TENM3: variants seen among roughly 807,000 people sequenced by gnomAD.
The protein encoded by TENM3 is teneurin transmembrane protein 3, also known as teneurin-3.
Under a neutral mutation model 255.1 loss-of-function variants are expected in TENM3, and 63 were observed. The observed-to-expected ratio is 0.25, with a 90% CI of 0.20 to 0.30. TENM3 has a LOEUF of 0.30. Ranked by LOEUF, TENM3 falls within the 10% of genes least tolerant of loss-of-function variation. The pLI is 1.00. For missense variants in TENM3, 2,929 were observed against 3,461.1 expected (o/e 0.85, Z 3.86); for synonymous variants, 1,306 against 1,322.3 (o/e 0.99, Z 0.27).
chr4:182,088,243 T>C, the TENM3 span, among the ~76,000 whole-genome samples: 1 of 152,218 alleles, frequency 6.6e-6, no homozygotes, highest in Non-Finnish European at 1.5e-5. Context: ...AGTACGAAAA[T>C]AAGCATAGGG....
chr4:182,510,589 T>A (rs2151714725), intron 3 of TENM3, among the ~76,000 whole-genome samples: 1 of 152,316 alleles, frequency 6.6e-6, no homozygotes, highest in Admixed American at 6.5e-5. Context: ...TTATGGATAA[T>A]GTGAATCTTA....
intron 3 of TENM3, among the ~76,000 whole-genome samples, chr4:182,381,053 A>G: frequency 6.6e-6 from 1 of 152,144 alleles, no homozygotes; most frequent in East Asian, 1.9e-4. Flanking sequence ...CTAGTGCTTG[A>G]GTCTCTCCGT....
At chr4:181,938,470 A>C in the TENM3 span, among the ~76,000 whole-genome samples, 1 of 152,240 alleles carries the variant, frequency 6.6e-6, no homozygotes, top group African/African-American at 2.4e-5. Context: ...TATGATATTT[A>C]CAAAACACTC....
the TENM3 span, among the ~76,000 whole-genome samples, chr4:181,511,956 C>T: frequency 6.6e-5 from 10 of 152,072 alleles, no homozygotes; most frequent in Admixed American, 5.9e-4. Flanking sequence ...TGTTAGGGTG[C>T]CCAGCATCAC....
At chr4:181,621,462 C>T in the TENM3 span, among the ~76,000 whole-genome samples, 7 of 152,126 alleles carry the variant, frequency 4.6e-5, no homozygotes, top group Non-Finnish European at 1.0e-4. Context: ...TGCTATAATA[C>T]AGAGAACAAT....
the TENM3 span, among the ~76,000 whole-genome samples, chr4:181,877,955 C>A: frequency 1.3e-5 from 2 of 152,090 alleles, no homozygotes; most frequent in Non-Finnish European, 2.9e-5. Flanking sequence ...AGGCGTATGG[C>A]GTTTCTGTCA....
chr4:181,851,119 C>T, the TENM3 span, among the ~76,000 whole-genome samples: 1 of 152,208 alleles, frequency 6.6e-6, no homozygotes, highest in South Asian at 2.1e-4. Flanking sequence ...TGTCAGCCTC[C>T]TTCTCCACTA....
intron 3 of TENM3, among the ~76,000 whole-genome samples, chr4:182,415,218 C>T (rs968679774): frequency 2.0e-5 from 3 of 152,176 alleles, no homozygotes; most frequent in African/African-American, 7.2e-5. Context: ...GTTTTCAAGC[C>T]TCATGGCACA....
At chr4:182,268,499 C>A (rs1055577682) in intron 1 of TENM3, among the ~76,000 whole-genome samples, 2 of 152,132 alleles carry the variant, frequency 1.3e-5, no homozygotes, top group African/African-American at 2.4e-5. Flanking sequence ...ACCAGAGCAA[C>A]CCTATCTTAA....
the TENM3 span, among the ~76,000 whole-genome samples, chr4:181,937,417 G>C: frequency 2.6e-5 from 4 of 152,332 alleles, no homozygotes; most frequent in Middle Eastern, 3.4e-3. Context: ...CCTAGCGAGG[G>C]AAGAAGAGGG....
the TENM3 span, among the ~76,000 whole-genome samples, chr4:181,952,407 G>A: frequency 2.0e-5 from 3 of 152,192 alleles, no homozygotes; most frequent in African/African-American, 7.2e-5. Context: ...TCTGCCGCTG[G>A]TAATTGAATT....
chr4:181,485,350 C>T, the TENM3 span, among the ~76,000 whole-genome samples: 198 of 152,008 alleles, frequency 1.3e-3, no homozygotes, highest in Non-Finnish European at 2.2e-3. Flanking sequence ...TTTGTGTTCT[C>T]GAAGCTAGAA....
chr4:182,101,881 G>A, the TENM3 span, among the ~76,000 whole-genome samples: 1 of 152,062 alleles, frequency 6.6e-6, no homozygotes, highest in Non-Finnish European at 1.5e-5. Context: ...ATCACATTGT[G>A]CCCCATATAT....
At chr4:181,601,576 C>T in the TENM3 span, among the ~76,000 whole-genome samples, 1 of 152,160 alleles carries the variant, frequency 6.6e-6, no homozygotes, top group East Asian at 1.9e-4. Flanking sequence ...TAAATTGTTA[C>T]ATGTACTTTG....
the TENM3 span, among the ~76,000 whole-genome samples, chr4:181,452,019 G>A: frequency 6.6e-6 from 1 of 152,218 alleles, no homozygotes; most frequent in East Asian, 1.9e-4. Context: ...AACCTGGAGA[G>A]TCGGCAACAT....
chr4:181,844,582 G>A, the TENM3 span, among the ~76,000 whole-genome samples: 1 of 151,830 alleles, frequency 6.6e-6, no homozygotes, highest in Non-Finnish European at 1.5e-5. Context: ...GCAGGAGAAT[G>A]GCGTGAACCC....
At chr4:182,112,670 G>A in the TENM3 span, among the ~76,000 whole-genome samples, 14 of 152,134 alleles carry the variant, frequency 9.2e-5, no homozygotes, top group African/African-American at 3.4e-4. Context: ...TCTCCTCCTT[G>A]TTCAATAAAT....
At chr4:181,463,920 G>A in the TENM3 span, among the ~76,000 whole-genome samples, 1 of 152,022 alleles carries the variant, frequency 6.6e-6, no homozygotes, top group African/African-American at 2.4e-5. Context: ...GGTGTTCTTT[G>A]GCCTTTTGAC....
chr4:181,828,422 C>G, the TENM3 span, among the ~76,000 whole-genome samples: 1 of 152,154 alleles, frequency 6.6e-6, no homozygotes, highest in Non-Finnish European at 1.5e-5. Flanking sequence ...TTTACAAAGC[C>G]CACTATTTGC....
Sources: gnomAD v4.1 joint callset for allele counts (sites outside exome capture counted in the v4.1 genomes callset) on GRCh38, gnomAD v4.1.1 for gene constraint, MANE v1.5 for transcripts, NCBI Gene and HGNC (gene_info 2026-07-23, HGNC 2026-07-21) for gene names.